Variants in OLFM3 observed in about 807,000 individuals in gnomAD.
OLFM3 encodes olfactomedin 3.
Under a neutral mutation model 48.6 loss-of-function variants are expected in OLFM3, and 20 were observed. That is an observed-to-expected ratio of 0.41 (90% CI 0.29 to 0.60). The LOEUF (loss-of-function observed/expected upper bound fraction) is 0.60, where lower values mean the gene tolerates loss of function less well. Ranked by LOEUF, OLFM3 falls within the 20% of genes least tolerant of loss-of-function variation. The pLI is 0.28. For missense variants in OLFM3, 437 were observed against 544.3 expected (o/e 0.80, Z 1.96); for synonymous variants, 222 against 198.1 (o/e 1.12, Z -1.01).
chr1:101,816,348 TA>T (rs1654336757), intron 4 of OLFM3, among the ~76,000 whole-genome samples: 1 of 152,154 alleles, frequency 6.6e-6, no homozygotes, highest in African/African-American at 2.4e-5. Flanking sequence ...TTTATAAAAA[TA>T]ATCTAGTAGG....
intron 1 of OLFM3, among the ~76,000 whole-genome samples, chr1:101,850,534 C>T (rs1329180846): frequency 6.6e-6 from 1 of 151,754 alleles, no homozygotes; most frequent in African/African-American, 2.4e-5. Context: ...AATGACCCTA[C>T]ACAGACATAT....
At chr1:101,902,875 A>G (rs769474119) in intron 1 of OLFM3, among the ~76,000 whole-genome samples, 20 of 152,072 alleles carry the variant, frequency 1.3e-4, no homozygotes, top group Non-Finnish European at 2.8e-4. Flanking sequence ...TGTCTGTGAG[A>G]GTTATATCTG....
At chr1:101,824,976 T>G (rs369835803) in intron 4 of OLFM3, 50 bp downstream of exon 4, 1 of 1,508,154 alleles carries the variant, frequency 6.6e-7, no homozygotes, top group East Asian at 2.3e-5. Flanking sequence ...ACAATTTTCT[T>G]TGAAACTATA....
intron 1 of OLFM3, among the ~76,000 whole-genome samples, chr1:101,942,966 T>TTATGAATG (rs1659840234): frequency 6.6e-6 from 1 of 152,126 alleles, no homozygotes; most frequent in Non-Finnish European, 1.5e-5. Flanking sequence ...GTTGAATGAT[T>TTATGAATG]TATGAATGTC....
chr1:101,834,803 A>G (rs370241527), intron 2 of OLFM3, among the ~76,000 whole-genome samples: 2 of 152,256 alleles, frequency 1.3e-5, no homozygotes, highest in Admixed American at 1.3e-4. Context: ...CAGACAAATT[A>G]CATGTTGGAT....
intron 1 of OLFM3, among the ~76,000 whole-genome samples, chr1:101,844,165 CT>C (rs1488292713): frequency 1.3e-5 from 2 of 152,176 alleles, no homozygotes; most frequent in Admixed American, 6.5e-5. Flanking sequence ...GCAAAAGAAC[CT>C]CTTTCACTGC....
At chr1:101,979,052 G>C (rs1661033242) in intron 1 of OLFM3, among the ~76,000 whole-genome samples, 1 of 152,096 alleles carries the variant, frequency 6.6e-6, no homozygotes, top group Non-Finnish European at 1.5e-5. Context: ...TAGAATTTTT[G>C]GAAGGAACAA....
chr1:101,942,118 G>T (rs1659814048), intron 1 of OLFM3, among the ~76,000 whole-genome samples: 2 of 152,182 alleles, frequency 1.3e-5, no homozygotes, highest in Admixed American at 6.5e-5. Flanking sequence ...AAAGCCCAGA[G>T]TGCATCTTAA....
chr1:101,812,401 T>A, intron 4 of OLFM3: 1 of 984,660 alleles, frequency 1.0e-6, no homozygotes, highest in Non-Finnish European at 1.2e-6. Context: ...CCTCCTATGG[T>A]ATAGGTACCT....
At chr1:101,924,173 G>A (rs1659189038) in intron 1 of OLFM3, among the ~76,000 whole-genome samples, 1 of 152,054 alleles carries the variant, frequency 6.6e-6, no homozygotes, top group Non-Finnish European at 1.5e-5. Context: ...AACATCAATT[G>A]ACACGATTCT....
At chr1:101,831,410 G>A (rs1023811034) in intron 2 of OLFM3, among the ~76,000 whole-genome samples, 1 of 152,186 alleles carries the variant, frequency 6.6e-6, no homozygotes, top group Non-Finnish European at 1.5e-5. Flanking sequence ...AAGGGTAACT[G>A]CATCAAGTGC....
At chr1:101,859,518 A>G (rs1656564409) in intron 1 of OLFM3, among the ~76,000 whole-genome samples, 2 of 152,122 alleles carry the variant, frequency 1.3e-5, no homozygotes, top group South Asian at 4.1e-4. Context: ...ATACAATACA[A>G]GTTAAATGTC....
chr1:101,898,766 T>C (rs1307710485), intron 1 of OLFM3, among the ~76,000 whole-genome samples: 1 of 152,030 alleles, frequency 6.6e-6, no homozygotes, highest in African/African-American at 2.4e-5. Context: ...TGAGAATCAC[T>C]TGAGTCTGGG....
chr1:101,974,236 A>G (rs948711587), intron 1 of OLFM3, among the ~76,000 whole-genome samples: 7 of 152,056 alleles, frequency 4.6e-5, no homozygotes, highest in East Asian at 1.9e-4. Flanking sequence ...TTTTTTGCCA[A>G]TGACTAGCAC....
intron 1 of OLFM3, among the ~76,000 whole-genome samples, chr1:101,898,243 G>C (rs1658270667): frequency 6.6e-6 from 1 of 152,088 alleles, no homozygotes; most frequent in Non-Finnish European, 1.5e-5. Context: ...ATATTGAGTG[G>C]AATATCTGAG....
At chr1:101,947,410 A>C (rs1659994840) in intron 1 of OLFM3, among the ~76,000 whole-genome samples, 1 of 152,138 alleles carries the variant, frequency 6.6e-6, no homozygotes, top group South Asian at 2.1e-4. Context: ...GTGGCATCTA[A>C]TTTGTAGAAG....
intron 1 of OLFM3, among the ~76,000 whole-genome samples, chr1:101,922,060 A>T (rs1659112908): frequency 6.6e-6 from 1 of 150,548 alleles, no homozygotes; most frequent in South Asian, 2.1e-4. Context: ...CTCCATCTCA[A>T]AAAAAAAAGG....
intron 1 of OLFM3, among the ~76,000 whole-genome samples, chr1:101,964,407 G>A (rs1214037526): frequency 6.6e-6 from 1 of 152,120 alleles, no homozygotes; most frequent in Non-Finnish European, 1.5e-5. Flanking sequence ...ATTTTCAGTG[G>A]AAAATACATT....
chr1:101,875,866 G>A (rs1325433706), intron 1 of OLFM3, among the ~76,000 whole-genome samples: 1 of 151,998 alleles, frequency 6.6e-6, no homozygotes, highest in East Asian at 1.9e-4. Flanking sequence ...TGTCATTTAA[G>A]TGGATGTCAC....
Sources: allele counts gnomAD v4.1 joint callset (sites outside exome capture counted in the v4.1 genomes callset), GRCh38; gene constraint gnomAD v4.1.1; transcripts MANE v1.5; gene names NCBI Gene and HGNC (gene_info 2026-07-23, HGNC 2026-07-21).